CNTN5: variants seen among roughly 807,000 people sequenced by gnomAD.
CNTN5 encodes contactin 5.
In CNTN5, 77 loss-of-function variants were observed where a neutral mutation model predicts 129.1. That is an observed-to-expected ratio of 0.60 (90% confidence interval 0.50 to 0.72). CNTN5 has a LOEUF of 0.72. CNTN5 is among the 30% of genes least tolerant of loss of function. CNTN5 has a pLI of 0.00. For missense variants in CNTN5, 1,478 were observed against 1,328.8 expected, an observed-to-expected ratio of 1.11 and a Z score of -1.75; for synonymous variants, 509 against 465.6, an observed-to-expected ratio of 1.09 and a Z score of -1.20.
chr11:99,763,146 T>A (rs1421835374), intron 3 of CNTN5, among the ~76,000 whole-genome samples: 1 of 152,154 alleles, frequency 6.6e-6, no homozygotes, highest in East Asian at 1.9e-4. Context: ...CAATGTTTTC[T>A]CTGAATTTTT....
chr11:99,304,929 T>C (rs926458925), intron 1 of CNTN5, among the ~76,000 whole-genome samples: 2 of 152,212 alleles, frequency 1.3e-5, no homozygotes, highest in African/African-American at 2.4e-5. Flanking sequence ...AGAAAGAGGA[T>C]GTCATGCTCA....
At chr11:99,413,213 C>G (rs1456002434) in intron 2 of CNTN5, among the ~76,000 whole-genome samples, 2 of 152,020 alleles carry the variant, frequency 1.3e-5, no homozygotes, top group African/African-American at 4.8e-5. Context: ...TTAAAGAGAG[C>G]AAGGAAGAGG....
intron 1 of CNTN5, among the ~76,000 whole-genome samples, chr11:99,199,171 G>T (rs1859045252): frequency 6.6e-6 from 1 of 151,994 alleles, no homozygotes; most frequent in Non-Finnish European, 1.5e-5. Flanking sequence ...TTGGAGATTG[G>T]GCAGAAAAGA....
chr11:99,502,515 G>A (rs1463292152), intron 2 of CNTN5, among the ~76,000 whole-genome samples: 1 of 152,020 alleles, frequency 6.6e-6, no homozygotes, highest in Non-Finnish European at 1.5e-5. Context: ...AACTTTGCTT[G>A]GCACTTCTTT....
At chr11:100,087,020 T>C (rs1169598033) in intron 13 of CNTN5, among the ~76,000 whole-genome samples, 1 of 151,588 alleles carries the variant, frequency 6.6e-6, no homozygotes, top group East Asian at 1.9e-4. Flanking sequence ...AATTCAAAAA[T>C]AATTCAATTA....
chr11:99,292,459 ATTTC>A (rs1205762046), intron 1 of CNTN5, among the ~76,000 whole-genome samples: 1 of 151,794 alleles, frequency 6.6e-6, no homozygotes, highest in Admixed American at 6.6e-5. Context: ...CAATTTGAAA[ATTTC>A]TTTCTCTTGT....
intron 2 of CNTN5, among the ~76,000 whole-genome samples, chr11:99,411,005 CAG>C (rs1942366303): frequency 6.6e-6 from 1 of 152,180 alleles, no homozygotes; most frequent in Non-Finnish European, 1.5e-5. Context: ...GCGCATTTTA[CAG>C]AGATTATCTG....
At chr11:99,879,985 G>T (rs1343765801) in intron 6 of CNTN5, among the ~76,000 whole-genome samples, 1 of 152,120 alleles carries the variant, frequency 6.6e-6, no homozygotes, top group Non-Finnish European at 1.5e-5. Context: ...AAAATTCATT[G>T]CAGTCTGTGA....
At chr11:99,073,644 G>T (rs892033123) in intron 1 of CNTN5, among the ~76,000 whole-genome samples, 1 of 151,840 alleles carries the variant, frequency 6.6e-6, no homozygotes, top group African/African-American at 2.4e-5. Context: ...GTGAAAACAC[G>T]CGGTGTTTGG....
intron 1 of CNTN5, among the ~76,000 whole-genome samples, chr11:99,121,912 CT>C (rs1392971887): frequency 1.3e-5 from 2 of 150,986 alleles, no homozygotes; most frequent in African/African-American, 4.9e-5. Context: ...TCTTTTTTTC[CT>C]AGATGACCAT....
Position 99,177,197 on chromosome 11 carries a change from C to T in CNTN5, c.-209-148149C>T, listed in dbSNP as rs545277951. 2.8e-4 allele frequency among the ~76,000 whole-genome samples: 43 copies of T among 152,238 alleles called. 1 individual carries two copies. The South Asian group carries it at 7.9e-3, about 28-fold the overall frequency. ...GAGAGCTTAAGATCCTGTTTAAAAGCGGTATCTTCACTACTCAATACTTCT... is the reference window on the plus strand; with the variant it reads ...GAGAGCTTAAGATCCTGTTTAAAAGTGGTATCTTCACTACTCAATACTTCT... On this transcript the variant is annotated intron_variant, in intron 1 of 24. Coordinates refer to ENST00000524871, the MANE Select transcript of CNTN5 (RefSeq NM_014361.4).
chr11:100,043,466 A>C (rs1942483009), intron 9 of CNTN5, among the ~76,000 whole-genome samples: 1 of 152,202 alleles, frequency 6.6e-6, no homozygotes, highest in Admixed American at 6.5e-5. Flanking sequence ...TAGGAAAGGA[A>C]AATTTAAATA....
At chr11:99,229,916 A>AATATAT (rs1177684665) in intron 1 of CNTN5, among the ~76,000 whole-genome samples, 1 of 151,848 alleles carries the variant, frequency 6.6e-6, no homozygotes, top group Admixed American at 6.6e-5. Flanking sequence ...TATAATGTGC[A>AATATAT]ATATATATAT....
intron 1 of CNTN5, among the ~76,000 whole-genome samples, chr11:99,148,611 TG>T (rs1464568192): frequency 6.6e-6 from 1 of 152,184 alleles, no homozygotes; most frequent in Non-Finnish European, 1.5e-5. Flanking sequence ...CTGCTATGAT[TG>T]ACTGAAACTC....
chr11:99,975,740 T>G (rs1366980727), intron 8 of CNTN5, among the ~76,000 whole-genome samples: 2 of 152,066 alleles, frequency 1.3e-5, no homozygotes, highest in African/African-American at 2.4e-5. Flanking sequence ...AGGCCCTACC[T>G]TCAACATATG....
chr11:99,680,774 G>C, intron 3 of CNTN5, among the ~76,000 whole-genome samples: 1 of 151,936 alleles, frequency 6.6e-6, no homozygotes, highest in African/African-American at 2.4e-5. Flanking sequence ...CTGTATGGCA[G>C]CTATAGTCTT....
intron 13 of CNTN5, among the ~76,000 whole-genome samples, chr11:100,126,715 G>T (rs749107822): frequency 6.6e-6 from 1 of 151,990 alleles, no homozygotes; most frequent in Admixed American, 6.6e-5. Flanking sequence ...AGGAAAAATG[G>T]GTCTTGTTTT....
At chr11:100,312,432 C>G (rs1257918024) in intron 21 of CNTN5, among the ~76,000 whole-genome samples, 1 of 151,976 alleles carries the variant, frequency 6.6e-6, no homozygotes, top group East Asian at 1.9e-4. Context: ...ACTTACTGCT[C>G]TCCTCTTCTC....
chr11:99,252,989 G>A (rs1472337273), intron 1 of CNTN5, among the ~76,000 whole-genome samples: 1 of 149,486 alleles, frequency 6.7e-6, no homozygotes. Flanking sequence ...TTTAAGTAGA[G>A]TTCTGTTTAT....
Sources: gnomAD v4.1 joint callset for allele counts (sites outside exome capture counted in the v4.1 genomes callset) on GRCh38, gnomAD v4.1.1 for gene constraint, MANE v1.5 for transcripts, NCBI Gene and HGNC (gene_info 2026-07-23, HGNC 2026-07-21) for gene names.